SOX5: variants seen among roughly 807,000 people sequenced by gnomAD.
The protein encoded by SOX5 is SRY-box transcription factor 5.
Under a neutral mutation model 92.0 loss-of-function variants are expected in SOX5, and 9 were observed. The ratio of observed to expected loss-of-function variants is 0.10; its 90% CI spans 0.06 to 0.17. SOX5 has a LOEUF of 0.17. Ranked by LOEUF, SOX5 falls within the 10% of genes least tolerant of loss-of-function variation. The pLI, the probability that SOX5 is intolerant of heterozygous loss-of-function variation, is 1.00. For missense variants in SOX5, 642 were observed against 944.5 expected, an observed-to-expected ratio of 0.68 and a Z score of 4.20; for synonymous variants, 344 against 336.3, an observed-to-expected ratio of 1.02 and a Z score of -0.25.
chr12:23,877,933 T>C (rs2096946108), intron 2 of SOX5, among the ~76,000 whole-genome samples: 1 of 152,042 alleles, frequency 6.6e-6, no homozygotes, highest in Admixed American at 6.6e-5. Flanking sequence ...GTTCATTAAT[T>C]TATTTTCTTA....
intron 4 of SOX5, among the ~76,000 whole-genome samples, chr12:23,972,382 G>A: frequency 6.6e-6 from 1 of 151,924 alleles, no homozygotes; most frequent in East Asian, 1.9e-4. Context: ...TTTTTAGATG[G>A]AGTCTCACTC....
chr12:23,922,912 A>ACGACTCT (rs1177054511), intron 1 of SOX5, among the ~76,000 whole-genome samples: 1 of 151,912 alleles, frequency 6.6e-6, no homozygotes, highest in Non-Finnish European at 1.5e-5. Context: ...GAGGGAGTAC[A>ACGACTCT]CGACTCTCAG....
intron 4 of SOX5, among the ~76,000 whole-genome samples, chr12:24,090,392 T>C (rs1033408632): frequency 6.6e-6 from 1 of 152,006 alleles, no homozygotes; most frequent in African/African-American, 2.4e-5. Flanking sequence ...AATTATAAAG[T>C]GCTCTTTCTT....
intron 4 of SOX5, among the ~76,000 whole-genome samples, chr12:24,036,525 G>T (rs1012753112): frequency 5.3e-5 from 8 of 151,998 alleles, no homozygotes; most frequent in Non-Finnish European, 1.2e-4. Context: ...TTTATATGTG[G>T]GCATTATATT....
At chr12:23,780,899 G>A (rs2095264703) in intron 3 of SOX5, among the ~76,000 whole-genome samples, 1 of 151,980 alleles carries the variant, frequency 6.6e-6, no homozygotes, top group African/African-American at 2.4e-5. Flanking sequence ...AAATGTAGAG[G>A]CTCTACTCTA....
rs529838492 is a variant in SOX5, at chr12:23,924,735, G to A, written c.38+24829C>T. On this transcript the variant is annotated intron_variant, in intron 1 of 14. Transcript: ENST00000451604. ...TTGATATAGCAGGAAGTTGCTTCGC[G>A]TTGGTTTTTCTTAGGTATTTAAATT... Among the ~76,000 whole-genome samples, 103 of 152,086 alleles carry A rather than the reference G, an allele frequency of 6.8e-4. 1 individual carries two copies. The South Asian group carries it at 0.012, about 18-fold the overall frequency.
intron 11 of SOX5, among the ~76,000 whole-genome samples, chr12:23,554,704 A>T (rs1167480834): frequency 1.3e-5 from 2 of 152,256 alleles, no homozygotes; most frequent in East Asian, 3.9e-4. Flanking sequence ...AGTCTTTTTT[A>T]TTGGTAAAAG....
intron 2 of SOX5, among the ~76,000 whole-genome samples, chr12:24,291,982 A>C (rs1404888541): frequency 2.6e-5 from 4 of 152,218 alleles, no homozygotes; most frequent in Non-Finnish European, 5.9e-5. Context: ...CAGTTACATA[A>C]AATAACTACT....
chr12:23,891,780 T>C (rs2097132225), intron 2 of SOX5, among the ~76,000 whole-genome samples: 1 of 152,194 alleles, frequency 6.6e-6, no homozygotes, highest in African/African-American at 2.4e-5. Context: ...ATTATTTATA[T>C]TGAAGAATAC....
intron 2 of SOX5, among the ~76,000 whole-genome samples, chr12:24,301,463 T>A (rs1947940338): frequency 1.3e-5 from 2 of 152,206 alleles, no homozygotes; most frequent in Admixed American, 6.5e-5. Context: ...TTATGATATA[T>A]TATGATAACC....
At chr12:24,375,191 T>G (rs1596046647) in intron 1 of SOX5, among the ~76,000 whole-genome samples, 1 of 151,486 alleles carries the variant, frequency 6.6e-6, no homozygotes, top group African/African-American at 2.4e-5. Flanking sequence ...GCCAGGATGG[T>G]CTCGATCACC....
At chr12:24,550,916 A>T (rs1488345922) in intron 1 of SOX5, among the ~76,000 whole-genome samples, 2 of 152,186 alleles carry the variant, frequency 1.3e-5, no homozygotes, top group East Asian at 3.8e-4. Context: ...TTTCTACTAA[A>T]ACTCTGGTTA....
chr12:24,292,340 ATTAT>A (rs1232124466), intron 2 of SOX5, among the ~76,000 whole-genome samples: 1 of 152,252 alleles, frequency 6.6e-6, no homozygotes, highest in African/African-American at 2.4e-5. Flanking sequence ...ATGCTTCAGG[ATTAT>A]TTATTTGAAA....
chr12:23,759,030 G>GACACACACACACACACACACAC (rs61575999), intron 3 of SOX5, among the ~76,000 whole-genome samples: 20 of 146,232 alleles, frequency 1.4e-4, no homozygotes, highest in Admixed American at 6.8e-4. Context: ...CACACACACA[G>GACACACACACACACACACACAC]ACACACACAC....
At chr12:24,482,072 G>A (rs1282632697) in intron 1 of SOX5, among the ~76,000 whole-genome samples, 1 of 152,212 alleles carries the variant, frequency 6.6e-6, no homozygotes, top group East Asian at 1.9e-4. Flanking sequence ...ATTTCAGCCA[G>A]TAGAGGGAAA....
intron 6 of SOX5, among the ~76,000 whole-genome samples, chr12:23,688,602 T>C (rs1170587015): frequency 2.0e-5 from 3 of 152,066 alleles, no homozygotes; most frequent in Non-Finnish European, 2.9e-5. Context: ...CCTCTCTCTA[T>C]CCCTTATTTA....
intron 1 of SOX5, among the ~76,000 whole-genome samples, chr12:24,499,412 AGCAAAGATGGGTGCTATGCGCACC>A (rs1357381794): frequency 2.0e-5 from 3 of 152,380 alleles, no homozygotes; most frequent in East Asian, 3.9e-4. Flanking sequence ...GTGGCAATTC[AGCAAAGATGGGTGCTATGCGCACC>A]GCAAGGAAAG....
chr12:23,966,366 C>T, intron 4 of SOX5, among the ~76,000 whole-genome samples: 1 of 151,748 alleles, frequency 6.6e-6, no homozygotes, highest in East Asian at 1.9e-4. Context: ...TCATCATAAA[C>T]ATCTAAGTAA....
intron 1 of SOX5, among the ~76,000 whole-genome samples, chr12:24,481,654 AT>A (rs1409993347): frequency 1.3e-5 from 2 of 152,224 alleles, no homozygotes; most frequent in Non-Finnish European, 2.9e-5. Flanking sequence ...CACAATTCCT[AT>A]TTTTAGAAGA....
Sources: allele counts gnomAD v4.1 joint callset (sites outside exome capture counted in the v4.1 genomes callset), GRCh38; gene constraint gnomAD v4.1.1; transcripts MANE v1.5; gene names NCBI Gene and HGNC (gene_info 2026-07-23, HGNC 2026-07-21).